The following ZNHIT6 variants were observed in gnomAD, a reference collection of about 807,000 sequenced individuals.
ZNHIT6 encodes zinc finger HIT-type containing 6, also known as box C/D snoRNA protein 1.
A neutral mutation model predicts 57.2 loss-of-function variants in ZNHIT6; 45 were observed. The observed-to-expected ratio is 0.79, with a 90% CI of 0.62 to 1.01. The LOEUF is 1.01. ZNHIT6 is among the 50% of genes least tolerant of loss of function. The pLI, the probability that ZNHIT6 is intolerant of heterozygous loss-of-function variation, is 0.00. For missense variants in ZNHIT6, 528 were observed against 567.3 expected (o/e 0.93, Z 0.70); for synonymous variants, 188 against 190.0 (o/e 0.99, Z 0.09).
intron 5 of ZNHIT6, among the ~76,000 whole-genome samples, chr1:85,691,704 G>A (rs1662225588): frequency 1.3e-5 from 2 of 152,098 alleles, no homozygotes; most frequent in Non-Finnish European, 2.9e-5. Flanking sequence ...TGGCCAACAC[G>A]GTGAAATCCC....
At chr1:85,686,991 C>T (rs1028508083) in intron 5 of ZNHIT6, among the ~76,000 whole-genome samples, 6 of 151,512 alleles carry the variant, frequency 4.0e-5, no homozygotes, top group Admixed American at 1.3e-4. Context: ...GTTTAGAGGC[C>T]GGGCATGGTG....
At chr1:85,692,545 CA>C (rs1662249805) in intron 5 of ZNHIT6, among the ~76,000 whole-genome samples, 1 of 152,164 alleles carries the variant, frequency 6.6e-6, no homozygotes, top group African/African-American at 2.4e-5. Context: ...AATCAGTTGA[CA>C]AGTCTGTACT....
intron 5 of ZNHIT6, among the ~76,000 whole-genome samples, chr1:85,698,030 AAGG>A (rs1411391510): frequency 6.6e-6 from 1 of 152,196 alleles, no homozygotes; most frequent in African/African-American, 2.4e-5. Flanking sequence ...ACTCCAAAAT[AAGG>A]AGGAGAGCCA....
chr1:85,654,271 G>C (rs952647213), intron 9 of ZNHIT6, among the ~76,000 whole-genome samples, 173 bp from the exon 10 acceptor site: 4 of 152,160 alleles, frequency 2.6e-5, no homozygotes, highest in Non-Finnish European at 5.9e-5. Flanking sequence ...ACAATAAATA[G>C]AGAAATGATG....
rs761508241 is a variant in ZNHIT6 at position 85,706,263 on chromosome 1, A to G, written c.815T>C (p.Met272Thr). 8 of 1,611,294 alleles carry G rather than the reference A, an allele frequency of 5.0e-6. No homozygotes were observed. The highest frequency in any genetic ancestry group is 1.3e-5 in the African/African-American group (1 of 74,918). ...AAGTGGCTTACCACTTAGGAGATTCATTTCAGTAAACTGTTGTATTGAAAT... is the reference window on the plus strand; with the variant it reads ...AAGTGGCTTACCACTTAGGAGATTCGTTTCAGTAAACTGTTGTATTGAAAT... ...AYISIQQFTE[M>T]NLLSDYRFLE... Residue 272 changes from methionine to threonine, a missense_variant, in exon 3 of 10, where the codon ATG (methionine) becomes ACG (threonine). By Grantham distance (81) the Met-to-Thr change is moderately conservative. Coordinates refer to ENST00000370574, the MANE Select transcript of ZNHIT6 (RefSeq NM_017953.4).
chr1:85,688,550 C>T (rs1417131150), intron 5 of ZNHIT6, among the ~76,000 whole-genome samples: 1 of 152,150 alleles, frequency 6.6e-6, no homozygotes, highest in Non-Finnish European at 1.5e-5. Context: ...CGCAATCGTT[C>T]CCTACCTCTC....
At chr1:85,654,758 C>T (rs1172295280) in intron 9 of ZNHIT6, among the ~76,000 whole-genome samples, 1 of 152,120 alleles carries the variant, frequency 6.6e-6, no homozygotes, top group African/African-American at 2.4e-5. Context: ...AAAATGGGAA[C>T]CGGAGTAAGT....
At chr1:85,667,961 A>AAAAAAAAAAAAAAAAAAATATATATATAT in intron 8 of ZNHIT6, among the ~76,000 whole-genome samples, 1 of 18,202 alleles carries the variant, frequency 5.5e-5, no homozygotes, top group Non-Finnish European at 9.9e-5. Context: ...AAAAAAAAAA[A>AAAAAAAAAAAAAAAAAAATATATATATAT]ATATATATAT....
rs1015133572 is a variant in ZNHIT6, at chr1:85,653,445, G to T, written c.*613C>A. On this transcript the variant is annotated 3_prime_UTR_variant, in exon 10 of 10. Transcript: ENST00000370574. Reference sequence around the variant, plus strand: ...TGTGGTTGACATGGGTGATCCTTGGGTTTCGTCACGCATGAAATTAACAAA... The same window carrying T: ...TGTGGTTGACATGGGTGATCCTTGGTTTTCGTCACGCATGAAATTAACAAA... 1 of 152,082 alleles carries T rather than the reference G, an allele frequency of 6.6e-6. No individual in the cohort carries two copies. Among genetic ancestry groups the T allele is most frequent in the Non-Finnish European group, 1.5e-5 (1 of 68,040 alleles). The allele number at this position is 152,082 out of a possible 1,614,324, so 9.4% of individuals were successfully genotyped here.
intron 5 of ZNHIT6, among the ~76,000 whole-genome samples, chr1:85,682,326 A>G (rs1661905031): frequency 6.6e-6 from 1 of 151,412 alleles, no homozygotes; most frequent in South Asian, 2.1e-4. Flanking sequence ...ACCCGGCCTC[A>G]TTTTGTTCAT....
intron 4 of ZNHIT6, among the ~76,000 whole-genome samples, chr1:85,703,120 A>G (rs1036434632): frequency 3.9e-5 from 6 of 152,168 alleles, no homozygotes; most frequent in Non-Finnish European, 5.9e-5. Flanking sequence ...CAGTAATGGT[A>G]GTGATAATTA....
Position 85,707,910 on chromosome 1 carries a change from T to C in ZNHIT6, c.375A>G (p.Leu125=). 1 of 1,607,496 alleles carries C rather than the reference T, an allele frequency of 6.2e-7. No individual in the cohort carries two copies. The highest frequency in any genetic ancestry group is 8.5e-7 in the Non-Finnish European group (1 of 1,176,646). The change falls in exon 1 of 10, where the codon TTA becomes TTG. Residue 125 remains leucine (L), a synonymous_variant. Coordinates refer to ENST00000370574, the MANE Select transcript of ZNHIT6 (RefSeq NM_017953.4). The part of the protein sequence containing the change: ...LEVKQETDSS[L]VVKEAKVGEP... ...CACCCACCTTCGCTTCTTTTACCAC[T>C]AAACTACTATCCGTCTCCTGCTTCA...
intron 4 of ZNHIT6, among the ~76,000 whole-genome samples, chr1:85,704,067 C>T (rs1463336705): frequency 2.0e-5 from 3 of 152,028 alleles, no homozygotes; most frequent in Non-Finnish European, 4.4e-5. Flanking sequence ...CATTTAAAAC[C>T]ACAATAAAAT....
At chr1:85,703,913 C>A (rs1662607622) in intron 4 of ZNHIT6, among the ~76,000 whole-genome samples, 1 of 152,090 alleles carries the variant, frequency 6.6e-6, no homozygotes. Context: ...ACCAAGAATT[C>A]TCACAAACCA....
chr1:85,675,142 A>G (rs1661664864), intron 8 of ZNHIT6, among the ~76,000 whole-genome samples: 1 of 152,242 alleles, frequency 6.6e-6, no homozygotes, highest in East Asian at 1.9e-4. Flanking sequence ...CATTGCATAG[A>G]AAGGAATCAG....
rs1228911564 is a variant in ZNHIT6, at chr1:85,681,183, A to G, written c.1020-279T>C. Among the ~76,000 whole-genome samples, 3 of 152,324 alleles carry G rather than the reference A, an allele frequency of 2.0e-5. No homozygotes were observed. In the East Asian group the frequency reaches 5.8e-4, roughly 29 times the overall value. On this transcript the variant is annotated intron_variant, in intron 5 of 9. Transcript: ENST00000370574. ...AGTGTGCTACTATTTGAAGTTTACAAATAAATTTCCTCATGACTAAATACA... is the reference window on the plus strand; with the variant it reads ...AGTGTGCTACTATTTGAAGTTTACAGATAAATTTCCTCATGACTAAATACA...
chr1:85,692,815 T>C (rs1662256499), intron 5 of ZNHIT6, among the ~76,000 whole-genome samples: 2 of 152,050 alleles, frequency 1.3e-5, no homozygotes, highest in African/African-American at 4.8e-5. Flanking sequence ...GGTAAATAGG[T>C]ATATTACTGC....
intron 9 of ZNHIT6, among the ~76,000 whole-genome samples, chr1:85,657,540 C>T (rs1222131948): frequency 6.7e-6 from 1 of 150,028 alleles, no homozygotes; most frequent in Non-Finnish European, 1.5e-5. Context: ...TGGACAGTTA[C>T]TTAAAGACTA....
In ZNHIT6 at chr1:85,679,261, C is replaced by T. The variant is rs576968119; in HGVS notation, c.1089-480G>A. ...TTTCCAACTTTCTTCCATATATGCACGCTGTTTTAAACTTATCTATAAAGC... is the reference window on the plus strand; with the variant it reads ...TTTCCAACTTTCTTCCATATATGCATGCTGTTTTAAACTTATCTATAAAGC... On this transcript the variant is annotated intron_variant, in intron 6 of 9. Transcript: ENST00000370574. Among the ~76,000 whole-genome samples the T allele has an allele frequency of 3.3e-5, 5 of 152,248 alleles. No individual in the cohort carries two copies. The East Asian group carries it at 7.7e-4, about 24-fold the overall frequency.
Sources: allele counts gnomAD v4.1 joint callset (sites outside exome capture counted in the v4.1 genomes callset), GRCh38; gene constraint gnomAD v4.1.1; transcripts MANE v1.5; gene names NCBI Gene and HGNC (gene_info 2026-07-23, HGNC 2026-07-21).